The following USP3 variants were observed in gnomAD, a reference collection of about 807,000 sequenced individuals.
The protein encoded by USP3 is ubiquitin carboxyl-terminal hydrolase 3.
USP3 carries 20 observed loss-of-function variants against 72.3 expected under a neutral mutation model. That is an observed-to-expected ratio of 0.28 (90% CI 0.19 to 0.40). The LOEUF (loss-of-function observed/expected upper bound fraction) is 0.40, where lower values mean the gene tolerates loss of function less well. Ranked by LOEUF, USP3 falls within the 10% of genes least tolerant of loss-of-function variation. USP3 has a pLI of 1.00. For missense variants in USP3, 479 were observed against 633.9 expected (o/e 0.76, Z 2.62); for synonymous variants, 222 against 225.3 (o/e 0.99, Z 0.13).
At chr15:63,565,845 A>G (rs2152675668) in intron 8 of USP3, among the ~76,000 whole-genome samples, 1 of 152,356 alleles carries the variant, frequency 6.6e-6, no homozygotes, top group African/African-American at 2.4e-5. Context: ...AGTATTTTAC[A>G]TACATGTGCA....
chr15:63,541,355 C>T (rs2066242238), intron 3 of USP3, among the ~76,000 whole-genome samples: 1 of 152,016 alleles, frequency 6.6e-6, no homozygotes, highest in Non-Finnish European at 1.5e-5. Context: ...TGAATCATTT[C>T]CTACAGCAGT....
intron 3 of USP3, among the ~76,000 whole-genome samples, chr15:63,546,236 T>G (rs949435888): frequency 6.6e-6 from 1 of 152,124 alleles, no homozygotes; most frequent in African/African-American, 2.4e-5. Context: ...CAGTAGTATA[T>G]AAATAAGAAA....
At chr15:63,543,117 A>G (rs943554551) in intron 3 of USP3, among the ~76,000 whole-genome samples, 2 of 152,216 alleles carry the variant, frequency 1.3e-5, no homozygotes, top group African/African-American at 2.4e-5. Flanking sequence ...TGACAAAACT[A>G]TTGGTTACAC....
intron 3 of USP3, among the ~76,000 whole-genome samples, chr15:63,552,421 C>T (rs753277872): frequency 2.0e-5 from 3 of 151,944 alleles, no homozygotes; most frequent in Non-Finnish European, 4.4e-5. Flanking sequence ...GTTATAGGAC[C>T]AATGAAGAAT....
chr15:63,507,165 T>C (rs1044074987), intron 1 of USP3, among the ~76,000 whole-genome samples: 1 of 152,200 alleles, frequency 6.6e-6, no homozygotes, highest in Non-Finnish European at 1.5e-5. Context: ...TGACTGGGTA[T>C]TGAATCTGAT....
chr15:63,572,220 TG>T (rs1203193550), intron 9 of USP3, among the ~76,000 whole-genome samples: 2 of 152,220 alleles, frequency 1.3e-5, no homozygotes, highest in Non-Finnish European at 2.9e-5. Flanking sequence ...AAAATCTTGA[TG>T]AGTATCCATT....
intron 7 of USP3, among the ~76,000 whole-genome samples, chr15:63,560,332 C>T (rs368223875): frequency 1.3e-5 from 2 of 151,296 alleles, no homozygotes; most frequent in Admixed American, 6.6e-5. Context: ...AGGAGAATCG[C>T]TTGAACCCAA....
intron 3 of USP3, among the ~76,000 whole-genome samples, chr15:63,540,222 C>T (rs2066223902): frequency 6.6e-6 from 1 of 152,180 alleles, no homozygotes; most frequent in Admixed American, 6.5e-5. Context: ...CCAATAGTCC[C>T]TGCCCTGTCC....
intron 1 of USP3, among the ~76,000 whole-genome samples, chr15:63,511,459 C>G (rs1357799794): frequency 6.6e-6 from 1 of 151,962 alleles, no homozygotes; most frequent in Non-Finnish European, 1.5e-5. Flanking sequence ...CCCCCTCACC[C>G]AATTTAATAT....
At chr15:63,567,016 A>G (rs117482595) in intron 8 of USP3, among the ~76,000 whole-genome samples, 2,352 of 152,324 alleles carry the variant, frequency 0.015, 24 homozygotes, top group Non-Finnish European at 0.025. Context: ...CATACAATAT[A>G]TACAGATTAT....
chr15:63,586,704 T>G (rs1236760621), intron 11 of USP3: 4 of 152,226 alleles, frequency 2.6e-5, no homozygotes, highest in African/African-American at 9.6e-5. Context: ...AATGTCAAAA[T>G]ATAATACATC....
intron 1 of USP3, among the ~76,000 whole-genome samples, chr15:63,516,669 G>A (rs560289451): frequency 1.3e-5 from 2 of 152,120 alleles, no homozygotes; most frequent in South Asian, 4.2e-4. Flanking sequence ...GAAACCTGAT[G>A]CCTTCCTGAT....
chr15:63,536,457 A>G (rs1421305449), intron 2 of USP3, among the ~76,000 whole-genome samples: 1 of 151,550 alleles, frequency 6.6e-6, no homozygotes, highest in Non-Finnish European at 1.5e-5. Flanking sequence ...TCTGAGAGAA[A>G]AAAAAAAAAA....
At chr15:63,536,095 TACTA>T in intron 2 of USP3, among the ~76,000 whole-genome samples, 1 of 152,360 alleles carries the variant, frequency 6.6e-6, no homozygotes, top group South Asian at 2.1e-4. Flanking sequence ...CCTGCTGTAA[TACTA>T]AATCTGAGTT....
intron 2 of USP3, chr15:63,533,827 T>C: frequency 1.6e-6 from 2 of 1,241,068 alleles, no homozygotes; most frequent in Non-Finnish European, 2.1e-6. Flanking sequence ...GAAAATACTT[T>C]GTACAGATAA....
intron 7 of USP3, 55 bp downstream of exon 7, chr15:63,560,025 C>A: frequency 6.7e-7 from 1 of 1,484,646 alleles, no homozygotes; most frequent in Non-Finnish European, 9.2e-7. Context: ...AAATTACTTT[C>A]ACTGGTGGTT....
chr15:63,569,210 G>A (rs145280318), intron 8 of USP3, among the ~76,000 whole-genome samples: 126 of 152,204 alleles, frequency 8.3e-4, no homozygotes, highest in African/African-American at 2.8e-3. Context: ...TAAGTTTAAG[G>A]TACCTCCTTA....
intron 1 of USP3, among the ~76,000 whole-genome samples, chr15:63,522,023 CCCTTA>C (rs1451280478): frequency 2.0e-5 from 3 of 152,142 alleles, no homozygotes; most frequent in African/African-American, 7.2e-5. Context: ...CTCACAGCAG[CCCTTA>C]CCTTCCACGC....
chr15:63,524,393 A>G (rs2065953597), intron 1 of USP3, among the ~76,000 whole-genome samples: 1 of 152,222 alleles, frequency 6.6e-6, no homozygotes, highest in Non-Finnish European at 1.5e-5. Context: ...CATCACTGAT[A>G]CTGCTCCCTC....
Sources: gnomAD v4.1 joint callset for allele counts (sites outside exome capture counted in the v4.1 genomes callset) on GRCh38, gnomAD v4.1.1 for gene constraint, MANE v1.5 for transcripts, NCBI Gene and HGNC (gene_info 2026-07-23, HGNC 2026-07-21) for gene names.